PSAP: variants seen among roughly 807,000 people sequenced by gnomAD.
PSAP encodes precursor of saposins.
In PSAP, 25 loss-of-function variants were observed where a neutral mutation model predicts 66.0. The observed-to-expected ratio is 0.38, with a 90% CI of 0.28 to 0.53. PSAP has a LOEUF of 0.53. Ranked by LOEUF, PSAP falls within the 20% of genes least tolerant of loss-of-function variation. The probability of loss-of-function intolerance (pLI) is 0.83; values close to 1 mark genes in which losing one functional copy is unlikely to be tolerated. For synonymous variants in PSAP, 273 were observed against 258.9 expected, an observed-to-expected ratio of 1.05 and a Z score of -0.52; for missense variants, 649 against 668.8, an observed-to-expected ratio of 0.97 and a Z score of 0.33.
chr10:71,840,656 G>A (rs1010956064), intron 1 of PSAP, among the ~76,000 whole-genome samples: 2 of 152,206 alleles, frequency 1.3e-5, no homozygotes, highest in African/African-American at 4.8e-5. Flanking sequence ...AAGCTCTTAA[G>A]CTCACTAGGC....
chr10:71,830,985 G>T, intron 4 of PSAP, 141 bp downstream of exon 4: 1 of 1,300,664 alleles, frequency 7.7e-7, no homozygotes, highest in Non-Finnish European at 1.1e-6. Context: ...AGCTATTCTG[G>T]ATGTCAAATT....
intron 1 of PSAP, among the ~76,000 whole-genome samples, chr10:71,845,104 T>C (rs1224001654): frequency 6.6e-6 from 1 of 152,176 alleles, no homozygotes; most frequent in Non-Finnish European, 1.5e-5. Flanking sequence ...AGATAAAACA[T>C]ACATATATAA....
In PSAP at chr10:71,816,754, T is replaced by C. The variant is rs1246856060; in HGVS notation, c.*687A>G. On this transcript the variant is annotated 3_prime_UTR_variant, in exon 14 of 14. Coordinates refer to ENST00000394936, the MANE Select transcript of PSAP (RefSeq NM_002778.4). ...GGTTACATTCAGGCAGATGGCCCTC[T>C]TCCCACCCAAACCCACAGAACCCCA... is the stretch of plus-strand genomic sequence containing the variant. 4.4e-6 allele frequency: 1 copy of C among 227,202 alleles called. No homozygotes were observed. The allele number at this position is 227,202 out of a possible 1,614,324, so 14.1% of individuals were successfully genotyped here.
chr10:71,828,234 G>T (rs1182871894), intron 5 of PSAP, 77 bp from the exon 6 acceptor site: 3 of 1,515,276 alleles, frequency 2.0e-6, no homozygotes, highest in African/African-American at 2.7e-5. Flanking sequence ...ACTCAGGGCT[G>T]CAGCATTAGG....
chr10:71,846,061 C>A (rs762592859), intron 1 of PSAP, among the ~76,000 whole-genome samples: 11 of 152,186 alleles, frequency 7.2e-5, no homozygotes, highest in Non-Finnish European at 1.2e-4. Context: ...AAGATATTGA[C>A]AATACATTAC....
intron 6 of PSAP, among the ~76,000 whole-genome samples, chr10:71,827,545 G>A (rs954378805): frequency 4.6e-5 from 7 of 151,788 alleles, no homozygotes; most frequent in East Asian, 1.9e-4. Context: ...TGACAAACAC[G>A]GTGAAACCCC....
chr10:71,850,435 G>A (rs1301058759), intron 1 of PSAP, among the ~76,000 whole-genome samples: 1 of 152,116 alleles, frequency 6.6e-6, no homozygotes, highest in East Asian at 1.9e-4. Context: ...GAAGCCCCCC[G>A]CCGCTTTGAG....
At chr10:71,841,892 G>C (rs1238571127) in intron 1 of PSAP, among the ~76,000 whole-genome samples, 1 of 151,922 alleles carries the variant, frequency 6.6e-6, no homozygotes, top group African/African-American at 2.4e-5. Context: ...TGTGGTCCCA[G>C]CTACTCAAGA....
intron 7 of PSAP, chr10:71,822,675 T>C (rs1181832790): frequency 2.1e-6 from 1 of 471,770 alleles, no homozygotes. Context: ...GACACTCTGA[T>C]GGCCAAGAGT....
At chr10:71,849,838 G>A (rs1287227935) in intron 1 of PSAP, among the ~76,000 whole-genome samples, 2 of 152,068 alleles carry the variant, frequency 1.3e-5, no homozygotes, top group African/African-American at 4.8e-5. Context: ...GTGAAATGAG[G>A]ACCCCATGGC....
intron 1 of PSAP, among the ~76,000 whole-genome samples, chr10:71,842,610 G>A (rs1564826034): frequency 6.6e-6 from 1 of 152,056 alleles, no homozygotes; most frequent in Non-Finnish European, 1.5e-5. Flanking sequence ...AAGTGGGAGG[G>A]ATAATTTCCT....
At chr10:71,831,070 G>A in intron 4 of PSAP, 56 bp downstream of exon 4, 5 of 1,609,486 alleles carry the variant, frequency 3.1e-6, no homozygotes, top group Non-Finnish European at 4.2e-6. Context: ...CTGGGCCACT[G>A]CCTCTCCTGG....
chr10:71,828,342 T>C (rs1842435694), intron 5 of PSAP, among the ~76,000 whole-genome samples, 185 bp from the exon 6 acceptor site: 1 of 152,074 alleles, frequency 6.6e-6, no homozygotes, highest in African/African-American at 2.4e-5. Context: ...CAGTATGGTA[T>C]AAAAAGGGGG....
intron 2 of PSAP, among the ~76,000 whole-genome samples, chr10:71,833,259 A>C (rs1842556052): frequency 6.6e-6 from 1 of 152,120 alleles, no homozygotes; most frequent in South Asian, 2.1e-4. Context: ...GGAGTTCAAG[A>C]CCAGCCTGGG....
chr10:71,831,767 A>G, intron 3 of PSAP, 79 bp downstream of exon 3: 1 of 1,400,298 alleles, frequency 7.1e-7, no homozygotes, highest in South Asian at 1.2e-5. Context: ...TCCTCTTTAG[A>G]CACCCGGAAT....
At chr10:71,849,636 CA>C (rs572805063) in intron 1 of PSAP, among the ~76,000 whole-genome samples, 12 of 144,956 alleles carry the variant, frequency 8.3e-5, no homozygotes, top group South Asian at 2.2e-4. Flanking sequence ...AACAAACAAA[CA>C]AAAAAAAAAC....
rs1287287593 is a variant in PSAP, at chr10:71,819,771, C to T, written c.1135G>A (p.Glu379Lys). The change falls in exon 10 of 14, where the codon GAG (glutamate) becomes AAG (lysine). Residue 379 changes from glutamate to lysine, a missense_variant. Transcript: ENST00000394936. ...AGGTGCAGCATGCTGCACACCAGCT[C>T]AGGGCTGACCTCCTCCAGCAGGATG... ...LSILLEEVSPELVCSMLHLCS... is the reference protein window; with the variant it reads ...LSILLEEVSPKLVCSMLHLCS... 3 of 1,613,986 alleles carry T rather than the reference C, an allele frequency of 1.9e-6. No homozygotes were observed. In the African/African-American group the frequency reaches 4.0e-5, roughly 22 times the overall value.
intron 1 of PSAP, among the ~76,000 whole-genome samples, chr10:71,841,155 G>A (rs997494986): frequency 2.0e-5 from 3 of 152,202 alleles, no homozygotes; most frequent in Admixed American, 6.5e-5. Context: ...CCCCATCCTC[G>A]AGAAAGCTCC....
At chr10:71,829,807 T>C (rs2133046223) in intron 4 of PSAP, among the ~76,000 whole-genome samples, 1 of 152,170 alleles carries the variant, frequency 6.6e-6, no homozygotes, top group African/African-American at 2.4e-5. Context: ...AAGACCACCC[T>C]GGCCAATGTG....
Sources: gnomAD v4.1 joint callset for allele counts (sites outside exome capture counted in the v4.1 genomes callset) on GRCh38, gnomAD v4.1.1 for gene constraint, MANE v1.5 for transcripts, NCBI Gene and HGNC (gene_info 2026-07-23, HGNC 2026-07-21) for gene names.